Variants in CAMTA1 observed in about 807,000 individuals in gnomAD.
CAMTA1 encodes the protein calmodulin binding transcription activator 1.
A neutral mutation model predicts 170.9 loss-of-function variants in CAMTA1; 27 were observed. The ratio of observed to expected loss-of-function variants is 0.16; its 90% confidence interval spans 0.12 to 0.22. The LOEUF (loss-of-function observed/expected upper bound fraction) is 0.22. Ranked by LOEUF, CAMTA1 falls within the 10% of genes least tolerant of loss-of-function variation. CAMTA1 has a pLI of 1.00. For synonymous variants in CAMTA1, 833 were observed against 891.5 expected (o/e 0.93, Z 1.17); for missense variants, 1,619 against 2,217.2 (o/e 0.73, Z 5.42).
intron 5 of CAMTA1, among the ~76,000 whole-genome samples, chr1:7,373,774 T>C (rs2086651874): frequency 6.6e-6 from 1 of 152,260 alleles, no homozygotes; most frequent in Admixed American, 6.5e-5. Context: ...CCATCAATAG[T>C]GCAGTGGCTC....
intron 6 of CAMTA1, among the ~76,000 whole-genome samples, chr1:7,591,948 G>C (rs796226602): frequency 6.6e-6 from 1 of 152,326 alleles, no homozygotes; most frequent in East Asian, 1.9e-4. Flanking sequence ...ACCCAGGCTA[G>C]AGTGCAATGG....
rs1207789729 is a variant in CAMTA1, at chr1:7,616,988, G to A, written c.511-23412G>A. ...GCCAGTGCACAGGTGTCACCCGCAG[G>A]GAAGTTTTCCCTCTAAGGCACAGAG... On this transcript the variant is annotated intron_variant, in intron 6 of 22. Coordinates refer to ENST00000303635, the MANE Select transcript of CAMTA1 (RefSeq NM_015215.4). 2.0e-5 allele frequency among the ~76,000 whole-genome samples: 3 copies of A among 152,322 alleles called. No homozygotes were observed. The East Asian group carries it at 5.8e-4, about 29-fold the overall frequency.
intron 11 of CAMTA1, among the ~76,000 whole-genome samples, chr1:7,706,237 A>T (rs1372842039): frequency 6.6e-6 from 1 of 152,242 alleles, no homozygotes; most frequent in Non-Finnish European, 1.5e-5. Context: ...AAGCGGACTC[A>T]GTAAACGTGA....
chr1:6,844,902 ATCAG>A (rs1427075657), intron 3 of CAMTA1, among the ~76,000 whole-genome samples: 2 of 152,144 alleles, frequency 1.3e-5, no homozygotes, highest in Non-Finnish European at 2.9e-5. Flanking sequence ...ACTCGTGGAT[ATCAG>A]TCAGGATTCA....
At chr1:7,556,558 C>T (rs913084370) in intron 6 of CAMTA1, among the ~76,000 whole-genome samples, 3 of 152,196 alleles carry the variant, frequency 2.0e-5, no homozygotes, top group South Asian at 2.1e-4. Flanking sequence ...CATCACCTCG[C>T]CAATTCAACA....
intron 5 of CAMTA1, among the ~76,000 whole-genome samples, chr1:7,301,413 C>T (rs946287170): frequency 5.9e-5 from 9 of 152,298 alleles, no homozygotes; most frequent in South Asian, 2.1e-4. Flanking sequence ...GATCAACTTC[C>T]TTGACTTTGT....
chr1:6,974,138 G>A (rs996795959), intron 3 of CAMTA1, among the ~76,000 whole-genome samples: 3 of 140,962 alleles, frequency 2.1e-5, no homozygotes, highest in Admixed American at 2.1e-4. Flanking sequence ...GGGCTGCTCT[G>A]GTTTGTAATA....
intron 3 of CAMTA1, among the ~76,000 whole-genome samples, chr1:7,075,851 C>T (rs528553889): frequency 3.3e-5 from 5 of 151,018 alleles, no homozygotes; most frequent in African/African-American, 9.7e-5. Context: ...TTAGTAGAGA[C>T]GGGGTTTCGT....
At chr1:7,323,990 T>TA (rs1468022036) in intron 5 of CAMTA1, among the ~76,000 whole-genome samples, 85 of 152,216 alleles carry the variant, frequency 5.6e-4, no homozygotes, top group Non-Finnish European at 2.1e-4. Flanking sequence ...CAATGCCCTA[T>TA]ATGTTTGGTC....
Position 7,092,257 on chromosome 1 carries a change from A to G in CAMTA1, c.302+886A>G, listed in dbSNP as rs899127319. Among the ~76,000 whole-genome samples, 15 of 152,216 alleles carry G rather than the reference A, an allele frequency of 9.9e-5. No homozygotes were observed. Among genetic ancestry groups the G allele is most frequent in the African/African-American group, 2.7e-4 (11 of 41,452 alleles). The stretch of plus-strand genomic sequence containing the variant: ...TGGTTTCACGTTGGACAGAAGCCCC[A>G]GAGTCCCCAGGTTTGTTAGGACCAG... On this transcript the variant is annotated intron_variant, in intron 4 of 22. Transcript: ENST00000303635. This position sits in a 1 kb window ranked among gnomAD's most constrained non-coding sequence, Gnocchi z 5.0.
chr1:7,098,434 G>A (rs904922938), intron 4 of CAMTA1, among the ~76,000 whole-genome samples: 1 of 152,246 alleles, frequency 6.6e-6, no homozygotes, highest in Non-Finnish European at 1.5e-5. Context: ...GAGGGAGTTG[G>A]CGGGTGCCAC....
chr1:7,560,059 A>C (rs770652425), intron 6 of CAMTA1, among the ~76,000 whole-genome samples: 6 of 152,230 alleles, frequency 3.9e-5, no homozygotes, highest in Non-Finnish European at 8.8e-5. Context: ...CCCAAGGCCC[A>C]GGCTGAGGAT....
At chr1:7,040,247 G>C (rs1704228539) in intron 3 of CAMTA1, among the ~76,000 whole-genome samples, 1 of 151,372 alleles carries the variant, frequency 6.6e-6, no homozygotes, top group Non-Finnish European at 1.5e-5. Flanking sequence ...ATCTGCTGCT[G>C]TGTTGTCTCT....
chr1:7,464,397 T>C lies in CAMTA1; in HGVS notation c.439-3433T>C, dbSNP rs569644019. Among the ~76,000 whole-genome samples, 6 of 152,326 alleles carry C rather than the reference T, an allele frequency of 3.9e-5. No homozygotes were observed. In the East Asian group the frequency reaches 1.2e-3, roughly 29 times the overall value. Reference sequence around the variant, plus strand: ...CACAAATCACTACAGACAAACTTGATTGCTTTTTTGATTAGTGGATAAAGG... The same window carrying C: ...CACAAATCACTACAGACAAACTTGACTGCTTTTTTGATTAGTGGATAAAGG... On this transcript the variant is annotated intron_variant, in intron 5 of 22. Coordinates refer to ENST00000303635, the MANE Select transcript of CAMTA1 (RefSeq NM_015215.4).
intron 3 of CAMTA1, among the ~76,000 whole-genome samples, chr1:6,980,303 C>T (rs772399618): frequency 3.7e-4 from 57 of 152,092 alleles, no homozygotes; most frequent in East Asian, 1.5e-3. Flanking sequence ...TCCTTAGGCC[C>T]GGGGCTCCTC....
chr1:7,123,369 A>T (rs1050417089), intron 4 of CAMTA1, among the ~76,000 whole-genome samples: 3 of 151,966 alleles, frequency 2.0e-5, no homozygotes, highest in Non-Finnish European at 4.4e-5. Context: ...GTCATCTTGG[A>T]ATAGGGCCAC....
Position 7,748,211 on chromosome 1 carries a change from C to A in CAMTA1, c.4689+430C>A, listed in dbSNP as rs928766790. Among the ~76,000 whole-genome samples the A allele has an allele frequency of 6.6e-6, 1 of 151,898 alleles. No individual in the cohort carries two copies. The highest frequency in any genetic ancestry group is 1.5e-5 in the Non-Finnish European group (1 of 68,018). ...ACAAGCATGAGCCGCAGCGCCCGGC[C>A]AGAGACTTAATTTGAACTGCCATGA... is the stretch of plus-strand genomic sequence containing the variant. On this transcript the variant is annotated intron_variant, in intron 19 of 22. Coordinates refer to ENST00000303635, the MANE Select transcript of CAMTA1 (RefSeq NM_015215.4). The surrounding 1 kb of genome is among the most constrained non-coding windows in gnomAD (Gnocchi z 4.7).
chr1:7,047,076 T>C (rs1036596329), intron 3 of CAMTA1, among the ~76,000 whole-genome samples: 1 of 152,180 alleles, frequency 6.6e-6, no homozygotes, highest in Non-Finnish European at 1.5e-5. Context: ...CTATGTGCCC[T>C]TCTCCTGACT....
chr1:6,831,444 C>T (rs1447505770), intron 3 of CAMTA1, among the ~76,000 whole-genome samples: 5 of 152,146 alleles, frequency 3.3e-5, no homozygotes, highest in Admixed American at 2.0e-4. Flanking sequence ...TTCATAATTA[C>T]GTATATTAGT....
Sources: gnomAD v4.1 joint callset for allele counts (sites outside exome capture counted in the v4.1 genomes callset) on GRCh38, gnomAD v4.1.1 for gene constraint, Gnocchi (gnomAD v3.1) non-coding constraint, MANE v1.5 for transcripts, NCBI Gene and HGNC (gene_info 2026-07-23, HGNC 2026-07-21) for gene names.